The following SIGLEC1 variants were observed in gnomAD, a reference collection of about 807,000 sequenced individuals.
SIGLEC1 encodes the protein sialoadhesin.
In SIGLEC1, 132 loss-of-function variants were observed where a neutral mutation model predicts 148.0. That is an observed-to-expected ratio of 0.89 (90% confidence interval 0.77 to 1.03). The LOEUF (loss-of-function observed/expected upper bound fraction) is 1.03. Ranked by LOEUF, SIGLEC1 falls within the 50% of genes least tolerant of loss-of-function variation. The probability of loss-of-function intolerance (pLI) is 0.00; values close to 1 mark genes in which losing one functional copy is unlikely to be tolerated. For missense variants in SIGLEC1, 2,253 were observed against 2,271.4 expected (o/e 0.99, Z 0.16); for synonymous variants, 945 against 969.0 (o/e 0.98, Z 0.46).
chr20:3,698,659 T>C (rs542980105), intron 8 of SIGLEC1, among the ~76,000 whole-genome samples: 84 of 152,348 alleles, frequency 5.5e-4, no homozygotes, highest in Admixed American at 2.4e-3. Flanking sequence ...AAGGCCCCCA[T>C]GTGATCTCAC....
chr20:3,698,283 G>A (rs1322457161), intron 8 of SIGLEC1, 150 bp from the exon 9 acceptor site: 3 of 672,100 alleles, frequency 4.5e-6, no homozygotes, highest in East Asian at 3.0e-5. Context: ...AGGGCAGCCA[G>A]ACCAGGGTGG....
chr20:3,707,237 G>C lies in SIGLEC1; in HGVS notation c.-109C>G, dbSNP rs1046933019. ...TCTGGGCACTTTAGCCCCAGCACCT[G>C]CTAGAAGTCCGAGCCTGTGTCCCCA... On this transcript the variant is annotated splice_region_variant and 5_prime_UTR_variant, in exon 2 of 22. Transcript: ENST00000344754. The C allele has an allele frequency of 2.1e-6, 2 of 936,558 alleles. No homozygotes were observed. Among genetic ancestry groups the C allele is most frequent in the African/African-American group, 1.6e-5 (1 of 61,486 alleles). The allele number at this position is 936,558 out of a possible 1,614,324, so 58.0% of individuals were successfully genotyped here. A position where few individuals can be genotyped will look rare whatever the true frequency, so the allele number is the denominator to read the frequency against.
chr20:3,704,797 A>AT (rs11413110), intron 4 of SIGLEC1, among the ~76,000 whole-genome samples: 83,422 of 151,660 alleles, frequency 0.55, 23,050 homozygotes, highest in South Asian at 0.59. Context: ...TTGTTTTTTA[A>AT]TTTTTTTGTA....
intron 1 of SIGLEC1, among the ~76,000 whole-genome samples, chr20:3,711,966 G>A (rs1254241886): frequency 1.3e-5 from 2 of 152,014 alleles, no homozygotes; most frequent in Non-Finnish European, 2.9e-5. Flanking sequence ...GCAAATTAAG[G>A]CTGGGATTGG....
chr20:3,704,863 A>G (rs1448718730), intron 4 of SIGLEC1, among the ~76,000 whole-genome samples: 4 of 152,188 alleles, frequency 2.6e-5, no homozygotes, highest in Non-Finnish European at 4.4e-5. Flanking sequence ...GCCTCAAGCA[A>G]TTCTCCTGCC....
intron 18 of SIGLEC1, among the ~76,000 whole-genome samples, chr20:3,691,132 T>G (rs984332589): frequency 6.6e-6 from 1 of 152,144 alleles, no homozygotes; most frequent in African/African-American, 2.4e-5. Context: ...CACCAGCCAT[T>G]TATTTCTTAT....
Position 3,693,688 on chromosome 20 carries a change from C to A in SIGLEC1, c.3267G>T (p.Val1089=), listed in dbSNP as rs2088790980. ...GCACGGTAGCCCCGGGCCACACCTG[C>A]ACATTCACAGCTGGGGAGAGGGAGG... ...SADFDAQAVN[V]QVWPGATVRE... The change falls in exon 14 of 22, where the codon GTG becomes GTT. Residue 1089 remains valine (V), a synonymous_variant. Coordinates refer to ENST00000344754, the MANE Select transcript of SIGLEC1 (RefSeq NM_023068.4). The A allele has an allele frequency of 6.3e-7, 1 of 1,583,986 alleles. No homozygotes were observed. Among genetic ancestry groups the A allele is most frequent in the African/African-American group, 1.3e-5 (1 of 74,756 alleles).
chr20:3,694,571 G>C (rs373516204), intron 12 of SIGLEC1, 39 bp from the exon 13 acceptor site: 7 of 1,556,614 alleles, frequency 4.5e-6, no homozygotes, highest in Non-Finnish European at 6.1e-6. Context: ...CAGCCAGGGG[G>C]GTCCCTCATC....
In SIGLEC1 at chr20:3,697,143, G is replaced by C; in HGVS notation, c.2322C>G (p.Cys774Trp). 1 of 1,613,718 alleles carries C rather than the reference G, an allele frequency of 6.2e-7. No homozygotes were observed. Among genetic ancestry groups the C allele is most frequent in the African/African-American group, 1.3e-5 (1 of 75,058 alleles). Residue 774 changes from cysteine to tryptophan, a missense_variant, in exon 10 of 22, where the codon TGC becomes TGG. Coordinates refer to ENST00000344754, the MANE Select transcript of SIGLEC1 (RefSeq NM_023068.4). ...VARTDAALYA[C>W]RILTEAGAQL... is the part of the protein sequence containing the mutation. ...GGGCACCAGCCTCAGTCAGGATGCG[G>C]CAGGCGTAAAGGGCAGCATCAGTTC...
rs761813026 is a variant in SIGLEC1 at position 3,693,592 on chromosome 20, C to A, written c.3363G>T (p.Trp1121Cys). 4 of 1,613,004 alleles carry A rather than the reference C, an allele frequency of 2.5e-6. No homozygotes were observed. The highest frequency in any genetic ancestry group is 2.5e-6 in the Non-Finnish European group (3 of 1,179,790). Residue 1121 changes from tryptophan to cysteine, a missense_variant, in exon 14 of 22, where the codon TGG (tryptophan) becomes TGT (cysteine). Physicochemically the swap from Trp to Cys is radical, Grantham distance 215. Coordinates refer to ENST00000344754, the MANE Select transcript of SIGLEC1 (RefSeq NM_023068.4). ...TTHPAQLTYT[W>C]YQDGQQRLDA... ...CCAGGCGCTGCTGCCCATCCTGGTA[C>A]CATGTGTAGGTGAGCTGGGCCGGGT... is the stretch of plus-strand genomic sequence containing the variant.
chr20:3,699,559 G>C, intron 7 of SIGLEC1, 100 bp from the exon 8 acceptor site: 1 of 1,442,498 alleles, frequency 6.9e-7, no homozygotes, highest in East Asian at 2.5e-5. Context: ...CCACACTACT[G>C]TAGGTAGCTC....
chr20:3,707,261 C>T (rs2146532953), intron 1 of SIGLEC1, 24 bp from the exon 2 acceptor site: 1 of 728,610 alleles, frequency 1.4e-6, no homozygotes, highest in Non-Finnish European at 2.4e-6. Context: ...CCTGTGTCCC[C>T]ACCTCCTCTG....
chr20:3,691,369 G>GC lies in SIGLEC1; in HGVS notation c.4561dup (p.Ala1521GlyfsTer25), dbSNP rs1568838495. 6.2e-7 allele frequency: 1 copy of GC among 1,613,492 alleles called. No individual in the cohort carries two copies. Among genetic ancestry groups the GC allele is most frequent in the Non-Finnish European group, 8.5e-7 (1 of 1,180,048 alleles). On this transcript the variant is annotated frameshift_variant, in exon 18 of 22. Transcript: ENST00000344754. LOFTEE classifies it high-confidence loss of function. Reference sequence around the variant, plus strand: ...CACACGGAGCATGACTGGAGCAGAGGCAGCAGCCCCAGTGGGGAGCTCAGC... The same window carrying GC: ...CACACGGAGCATGACTGGAGCAGAGGCCAGCAGCCCCAGTGGGGAGCTCAGC...
At chr20:3,693,844 CT>C in intron 13 of SIGLEC1, 146 bp from the exon 14 acceptor site, 1 of 835,816 alleles carries the variant, frequency 1.2e-6, no homozygotes, top group Non-Finnish European at 1.8e-6. Context: ...ATAAATGTGG[CT>C]TAGAAGTCAA....
chr20:3,707,148 C>A lies in SIGLEC1; in HGVS notation c.-20G>T. ...GCCCATAGCAGGTTCTTGTGCTGCTCCTGTTGCCTAAGAGGGTGGTGCGCA... is the reference window on the plus strand; with the variant it reads ...GCCCATAGCAGGTTCTTGTGCTGCTACTGTTGCCTAAGAGGGTGGTGCGCA... On this transcript the variant is annotated 5_prime_UTR_variant, in exon 2 of 22. Transcript: ENST00000344754. 1 of 1,613,238 alleles carries A rather than the reference C, an allele frequency of 6.2e-7. No homozygotes were observed. The highest frequency in any genetic ancestry group is 1.1e-5 in the South Asian group (1 of 91,020).
In SIGLEC1 at chr20:3,706,565, G is replaced by T. The variant is rs143827488; in HGVS notation, c.191C>A (p.Ser64Ter). The change falls in exon 3 of 22, where the codon TCG becomes TAG. Residue 64 changes from serine (S) to a stop codon, truncating the protein, a stop_gained. Coordinates refer to ENST00000344754, the MANE Select transcript of SIGLEC1 (RefSeq NM_023068.4). LOFTEE classifies it high-confidence loss of function. ...GITAIWYYDY[S>*]GQRQVVSHSA... ...GTGGCTCACCACCTGCCGCTGGCCC[G>T]AGTAGTCGTAGTACCAGATGGCCGT... 2 of 1,612,740 alleles carry T rather than the reference G, an allele frequency of 1.2e-6. No homozygotes were observed. The highest frequency in any genetic ancestry group is 2.2e-5 in the East Asian group (1 of 44,860).
At position 3,693,127 on chromosome 20, in the gene SIGLEC1, C is replaced by T. The variant is rs984548764; in HGVS notation, c.3513G>A (p.Ala1171=). The change falls in exon 15 of 22, where the codon GCG becomes GCA. Residue 1171 remains alanine (A), a synonymous_variant. Transcript: ENST00000344754. The stretch of plus-strand genomic sequence containing the variant: ...GGTAGGTCAGGCGCAGGTTGCGGGG[C>T]GCGTCTGCAGGGCATGAGAGGCTTA... ...SRPITLDVLY[A]PRNLRLTYLL... is the part of the protein sequence containing the mutation. The T allele has an allele frequency of 1.1e-5, 17 of 1,556,326 alleles. 1 individual carries two copies. The highest frequency in any genetic ancestry group is 2.7e-5 in the African/African-American group (2 of 73,482).
chr20:3,704,190 G>T lies in SIGLEC1; in HGVS notation c.707-99C>A, dbSNP rs114909661. 6.5e-4 allele frequency: 757 copies of T among 1,169,768 alleles called. 3 individuals are homozygous for T. In the African/African-American group the frequency reaches 0.01, roughly 16 times the overall value. The allele number at this position is 1,169,768 out of a possible 1,614,324, so 72.5% of individuals were successfully genotyped here. On this transcript the variant is annotated intron_variant, in intron 4 of 21. Coordinates refer to ENST00000344754, the MANE Select transcript of SIGLEC1 (RefSeq NM_023068.4). ...CCTTTAAAAGCTCAGTCCTAAGGAA[G>T]TATGCCCAGATAAAACAGCAGTCCC...
At position 3,688,254 on chromosome 20, in the gene SIGLEC1, G is replaced by A. The variant is rs1164460361; in HGVS notation, c.*306C>T. The A allele has an allele frequency of 2.5e-6, 1 of 403,744 alleles. No homozygotes were observed. The highest frequency in any genetic ancestry group is 2.1e-5 in the African/African-American group (1 of 48,474). The allele number at this position is 403,744 out of a possible 1,614,324, so 25.0% of individuals were successfully genotyped here. A position where few individuals can be genotyped will look rare whatever the true frequency, so the allele number is the denominator to read the frequency against. On this transcript the variant is annotated 3_prime_UTR_variant, in exon 22 of 22. Transcript: ENST00000344754. The stretch of plus-strand genomic sequence containing the variant: ...GTCCAGGGTGACTTTCGAGGAGAAG[G>A]ATGTGAAAGGGCAGGGCTTCCTTTG...
Sources: allele counts gnomAD v4.1 joint callset (sites outside exome capture counted in the v4.1 genomes callset), GRCh38; gene constraint gnomAD v4.1.1; transcripts MANE v1.5; gene names NCBI Gene and HGNC (gene_info 2026-07-23, HGNC 2026-07-21).